RSPRY1: variants seen among roughly 807,000 people sequenced by gnomAD.
RSPRY1 encodes ring finger and SPRY domain containing 1.
RSPRY1 carries 23 observed loss-of-function variants against 73.1 expected under a neutral mutation model. The observed-to-expected ratio is 0.31, with a 90% CI of 0.23 to 0.45. RSPRY1 has a LOEUF of 0.45. Among genes scored for constraint, RSPRY1 ranks in the 20% least tolerant of loss-of-function variants. RSPRY1 has a pLI of 1.00. For synonymous variants in RSPRY1, 226 were observed against 251.4 expected (o/e 0.90, Z 0.95); for missense variants, 448 against 698.7 (o/e 0.64, Z 4.05).
chr16:57,238,700 T>C (rs2075336980), intron 14 of RSPRY1, among the ~76,000 whole-genome samples, 179 bp from the exon 15 acceptor site: 1 of 152,232 alleles, frequency 6.6e-6, no homozygotes, highest in Admixed American at 6.5e-5. Context: ...ACTAAGACAA[T>C]TGAGGATCAG....
At chr16:57,202,644 CA>C (rs2074640969) in intron 1 of RSPRY1, among the ~76,000 whole-genome samples, 1 of 152,066 alleles carries the variant, frequency 6.6e-6, no homozygotes, top group Non-Finnish European at 1.5e-5. Context: ...ATACTTCAGT[CA>C]CATCCTTTTC....
chr16:57,210,576 T>C (rs1293936071), intron 4 of RSPRY1, among the ~76,000 whole-genome samples: 1 of 151,620 alleles, frequency 6.6e-6, no homozygotes, highest in African/African-American at 2.4e-5. Context: ...CAGCCGGGAG[T>C]GGTGGCAGGC....
intron 1 of RSPRY1, among the ~76,000 whole-genome samples, chr16:57,199,760 C>T (rs1449144544): frequency 4.0e-5 from 6 of 151,704 alleles, no homozygotes; most frequent in African/African-American, 1.5e-4. Context: ...TGGCCCAGAG[C>T]CAGACCTGTC....
chr16:57,235,035 T>C (rs2075280225), intron 13 of RSPRY1, 89 bp from the exon 14 acceptor site: 1 of 852,126 alleles, frequency 1.2e-6, no homozygotes, highest in African/African-American at 1.7e-5. Context: ...ATGTCACAGG[T>C]GCAGAGCATT....
At chr16:57,204,425 A>G in intron 1 of RSPRY1, 79 bp from the exon 2 acceptor site, 1 of 475,666 alleles carries the variant, frequency 2.1e-6, no homozygotes. Flanking sequence ...TAATATCTAT[A>G]AAATCAGACT....
rs150796157 is a variant in RSPRY1, at chr16:57,211,155, G to A, written c.517-1817G>A. 3.8e-3 allele frequency among the ~76,000 whole-genome samples: 573 copies of A among 151,996 alleles called. 5 individuals are homozygous for A. The highest frequency in any genetic ancestry group is 0.013 in the African/African-American group (549 of 41,452). On this transcript the variant is annotated intron_variant, in intron 4 of 14. Coordinates refer to ENST00000394420, the MANE Select transcript of RSPRY1 (RefSeq NM_133368.3). ...ATTAAGAGGAAAAACTGGGCTGAATGTACTGGCTCATGCCTGTGATCCCTG... is the reference window on the plus strand; with the variant it reads ...ATTAAGAGGAAAAACTGGGCTGAATATACTGGCTCATGCCTGTGATCCCTG...
intron 13 of RSPRY1, among the ~76,000 whole-genome samples, chr16:57,232,257 C>T (rs1408429849): frequency 1.3e-5 from 2 of 152,150 alleles, no homozygotes; most frequent in African/African-American, 4.8e-5. Flanking sequence ...GTGCTCTGGG[C>T]TGTGCTTCAC....
intron 4 of RSPRY1, among the ~76,000 whole-genome samples, chr16:57,210,057 T>TCCTC (rs1363499736): frequency 3.9e-5 from 4 of 103,104 alleles, no homozygotes; most frequent in Admixed American, 1.4e-4. Context: ...CTTCCTCCCT[T>TCCTC]CCTCCCTTCC....
chr16:57,210,712 CAA>C (rs754471522), intron 4 of RSPRY1, among the ~76,000 whole-genome samples: 8 of 125,068 alleles, frequency 6.4e-5, no homozygotes, highest in Admixed American at 1.6e-4. Flanking sequence ...AACTCTGTCT[CAA>C]AAAAAAAAAA....
intron 2 of RSPRY1, among the ~76,000 whole-genome samples, chr16:57,206,768 T>C (rs907760759): frequency 6.6e-6 from 1 of 152,204 alleles, no homozygotes. Flanking sequence ...TCTTGCCATG[T>C]TGCCCAGGCT....
At chr16:57,224,849 C>G (rs1236136673) in intron 10 of RSPRY1, among the ~76,000 whole-genome samples, 2 of 152,070 alleles carry the variant, frequency 1.3e-5, no homozygotes, top group Non-Finnish European at 2.9e-5. Flanking sequence ...TGCTCTTTAC[C>G]AACTCATGGT....
At chr16:57,235,292 C>T (rs1382754954) in intron 14 of RSPRY1, 64 bp downstream of exon 14, 12 of 1,169,610 alleles carry the variant, frequency 1.0e-5, no homozygotes, top group Admixed American at 1.8e-5. Flanking sequence ...CATGGCTGTT[C>T]GTCAGGGTTT....
At chr16:57,200,566 G>A (rs1425987990) in intron 1 of RSPRY1, among the ~76,000 whole-genome samples, 3 of 148,406 alleles carry the variant, frequency 2.0e-5, no homozygotes, top group African/African-American at 7.5e-5. Context: ...CGGATGGGGC[G>A]GCTGGCCGGG....
At chr16:57,208,291 G>T in intron 3 of RSPRY1, among the ~76,000 whole-genome samples, 181 bp downstream of exon 3, 1 of 129,506 alleles carries the variant, frequency 7.7e-6, no homozygotes, top group African/African-American at 2.9e-5. Context: ...AATAGGCAAT[G>T]CATATTATAC....
chr16:57,216,087 T>TTA lies in RSPRY1; in HGVS notation c.703-20_703-19insTA, dbSNP rs1555501599. On this transcript the variant is annotated intron_variant, in intron 6 of 14. Coordinates refer to ENST00000394420, the MANE Select transcript of RSPRY1 (RefSeq NM_133368.3). The stretch of plus-strand genomic sequence containing the variant: ...GGGAATGATTTTTTTTTTTTTTTTT[T>TTA]ATCTTTTGTTGTTTTTCAGAAGTTA... The TTA allele has an allele frequency of 4.5e-6, 7 of 1,553,092 alleles. No homozygotes were observed. The African/African-American group carries it at 5.6e-5, about 12-fold the overall frequency.
intron 10 of RSPRY1, among the ~76,000 whole-genome samples, chr16:57,221,776 AGCTTT>A (rs1461386580): frequency 2.6e-5 from 4 of 152,194 alleles, no homozygotes; most frequent in African/African-American, 9.6e-5. Flanking sequence ...AGCTCTTAAG[AGCTTT>A]GTAGGGATTC....
intron 1 of RSPRY1, among the ~76,000 whole-genome samples, chr16:57,196,011 A>G (rs534834026): frequency 2.9e-4 from 36 of 124,478 alleles, no homozygotes; most frequent in Non-Finnish European, 5.0e-4. Flanking sequence ...ACAGAGTGAG[A>G]CTTCATCTCA....
rs1040965573 is a variant in RSPRY1 at position 57,240,037 on chromosome 16, G to T, written c.*1062G>T. On this transcript the variant is annotated 3_prime_UTR_variant, in exon 15 of 15. Transcript: ENST00000394420. ...CTCTGGTGAAGACCTTCAAGAGTTT[G>T]GTTTTTTCTCCCAGGAAATTGGAAG... The T allele has an allele frequency of 3.3e-5, 5 of 152,104 alleles. No individual in the cohort carries two copies. The highest frequency in any genetic ancestry group is 3.4e-3 in the Middle Eastern group (1 of 294). The allele number at this position is 152,104 out of a possible 1,614,324, so 9.4% of individuals were successfully genotyped here. A position where few individuals can be genotyped will look rare whatever the true frequency, so the allele number is the denominator to read the frequency against.
At chr16:57,236,613 AG>A (rs1213290323) in intron 14 of RSPRY1, among the ~76,000 whole-genome samples, 1 of 152,254 alleles carries the variant, frequency 6.6e-6, no homozygotes, top group Non-Finnish European at 1.5e-5. Flanking sequence ...TACTAAGGCT[AG>A]TTTCACAGGT....
Sources: allele counts gnomAD v4.1 joint callset (sites outside exome capture counted in the v4.1 genomes callset), GRCh38; gene constraint gnomAD v4.1.1; transcripts MANE v1.5; gene names NCBI Gene and HGNC (gene_info 2026-07-23, HGNC 2026-07-21).